The following SLC35F4 variants were observed in gnomAD, a reference collection of about 807,000 sequenced individuals.
SLC35F4 encodes chromosome 14 open reading frame 36.
SLC35F4 carries 24 observed loss-of-function variants against 44.2 expected under a neutral mutation model. The observed-to-expected ratio is 0.54, with a 90% CI of 0.39 to 0.76. SLC35F4 has a LOEUF of 0.76. SLC35F4 is among the 30% of genes least tolerant of loss of function. The probability of loss-of-function intolerance (pLI) is 0.00; values close to 1 mark genes in which losing one functional copy is unlikely to be tolerated. For missense variants in SLC35F4, 562 were observed against 586.1 expected (o/e 0.96, Z 0.42); for synonymous variants, 238 against 223.6 (o/e 1.06, Z -0.57).
intron 1 of SLC35F4, among the ~76,000 whole-genome samples, chr14:57,932,372 T>C (rs1056259848): frequency 1.3e-5 from 2 of 152,232 alleles, no homozygotes; most frequent in African/African-American, 2.4e-5. Context: ...GACCAAATGT[T>C]CTAATTAGGC....
At chr14:57,910,775 C>T (rs1362041140) in intron 1 of SLC35F4, among the ~76,000 whole-genome samples, 1 of 151,978 alleles carries the variant, frequency 6.6e-6, no homozygotes, top group East Asian at 1.9e-4. Context: ...GCTCTCTTGC[C>T]TCTTCATATA....
intron 1 of SLC35F4, among the ~76,000 whole-genome samples, chr14:57,759,386 C>T (rs2077069673): frequency 6.6e-6 from 1 of 151,716 alleles, no homozygotes; most frequent in Admixed American, 6.6e-5. Context: ...GCAAGACCAG[C>T]CTGGACAACA....
chr14:57,885,038 T>A (rs1344284562), intron 1 of SLC35F4, among the ~76,000 whole-genome samples: 1 of 151,382 alleles, frequency 6.6e-6, no homozygotes, highest in Non-Finnish European at 1.5e-5. Context: ...ACTTTGCAAC[T>A]TTTTTTTCCC....
At chr14:57,956,768 C>T (rs1295844947) in intron 1 of SLC35F4, among the ~76,000 whole-genome samples, 1 of 151,956 alleles carries the variant, frequency 6.6e-6, no homozygotes, top group Non-Finnish European at 1.5e-5. Context: ...GTTAGAATAG[C>T]GATCATTAAA....
chr14:57,652,920 C>G (rs2073838328), intron 1 of SLC35F4, among the ~76,000 whole-genome samples: 1 of 152,188 alleles, frequency 6.6e-6, no homozygotes, highest in African/African-American at 2.4e-5. Flanking sequence ...AAAACAGTTT[C>G]ACTAAGCAGT....
chr14:57,756,821 A>T (rs1021884981), intron 1 of SLC35F4, among the ~76,000 whole-genome samples: 1 of 146,182 alleles, frequency 6.8e-6, no homozygotes, highest in African/African-American at 2.5e-5. Context: ...AATCTGCCTA[A>T]TTTTTTTTTT....
intron 1 of SLC35F4, among the ~76,000 whole-genome samples, chr14:57,598,630 T>C (rs2070631984): frequency 6.6e-6 from 1 of 152,148 alleles, no homozygotes; most frequent in African/African-American, 2.4e-5. Flanking sequence ...GCAAGATGAC[T>C]TGGAAGATAC....
chr14:57,914,552 G>T (rs911184990), intron 1 of SLC35F4, among the ~76,000 whole-genome samples: 3 of 150,968 alleles, frequency 2.0e-5, no homozygotes, highest in Admixed American at 2.0e-4. Flanking sequence ...AGCATAGCGA[G>T]ACTCCGCCTC....
intron 1 of SLC35F4, among the ~76,000 whole-genome samples, chr14:57,909,370 T>A (rs77153313): frequency 0.036 from 5,402 of 152,158 alleles, 134 homozygotes; most frequent in Non-Finnish European, 0.054. Flanking sequence ...GTAACAAGTA[T>A]CCCCATTTAG....
At chr14:57,982,663 T>A (rs2747090), upstream of SLC35F4, among the ~76,000 whole-genome samples, 3 of 152,118 alleles carry the variant, frequency 2.0e-5, no homozygotes, top group African/African-American at 7.2e-5. Flanking sequence ...ATGGTCCTGG[T>A]GGGGTCGTTA....
intron 1 of SLC35F4, among the ~76,000 whole-genome samples, chr14:57,835,863 A>C (rs1280919953): frequency 6.6e-6 from 1 of 152,264 alleles, no homozygotes; most frequent in African/African-American, 2.4e-5. Flanking sequence ...AAATGATTTC[A>C]GCTCTTTCAG....
In SLC35F4 at chr14:57,689,437, T is replaced by C. The variant is rs138211566; in HGVS notation, c.104-95313A>G. 2.0e-3 allele frequency among the ~76,000 whole-genome samples: 310 copies of C among 152,166 alleles called. 2 individuals are homozygous for C. Among genetic ancestry groups the C allele is most frequent in the African/African-American group, 7.2e-3 (297 of 41,514 alleles). The stretch of plus-strand genomic sequence containing the variant: ...TCAAATGCTAAACTGCTTTTAGGAA[T>C]GAGGCAGCTATTCAAATAGCAACAA... On this transcript the variant is annotated intron_variant, in intron 1 of 7. Coordinates refer to ENST00000556826, the MANE Select transcript of SLC35F4 (RefSeq NM_001306087.2).
intron 1 of SLC35F4, among the ~76,000 whole-genome samples, chr14:57,780,371 T>G (rs2077587318): frequency 6.6e-6 from 1 of 151,956 alleles, no homozygotes; most frequent in Non-Finnish European, 1.5e-5. Context: ...GGATTACAGC[T>G]AACCAAGGAG....
In SLC35F4 at chr14:57,750,228, T is replaced by C. The variant is rs74676196; in HGVS notation, c.103+115495A>G. Among the ~76,000 whole-genome samples, 115 of 152,340 alleles carry C rather than the reference T, an allele frequency of 7.5e-4. 1 individual carries two copies. In the East Asian group the frequency reaches 0.021, roughly 28 times the overall value. ...TGCAAATGACAGGATTTCATTCTTTTTTTTAGTCTGAATAGTATTTCATTG... is the reference window on the plus strand; with the variant it reads ...TGCAAATGACAGGATTTCATTCTTTCTTTTAGTCTGAATAGTATTTCATTG... On this transcript the variant is annotated intron_variant, in intron 1 of 7. Coordinates refer to ENST00000556826, the MANE Select transcript of SLC35F4 (RefSeq NM_001306087.2).
chr14:57,609,959 AG>A (rs2071394871), intron 1 of SLC35F4, among the ~76,000 whole-genome samples: 1 of 152,176 alleles, frequency 6.6e-6, no homozygotes, highest in African/African-American at 2.4e-5. Context: ...TATAGAAAGG[AG>A]CTGCTATGTG....
intron 1 of SLC35F4, among the ~76,000 whole-genome samples, chr14:57,847,190 A>G (rs922079972): frequency 6.6e-6 from 1 of 152,156 alleles, no homozygotes; most frequent in African/African-American, 2.4e-5. Flanking sequence ...GCTGCCCTAG[A>G]CCCTTGTTCA....
rs942570083 is a variant in SLC35F4 at position 57,581,327 on chromosome 14, G to C, written c.694C>G (p.Leu232Val). The C allele has an allele frequency of 6.2e-7, 1 of 1,613,578 alleles. No homozygotes were observed. The highest frequency in any genetic ancestry group is 2.2e-5 in the East Asian group (1 of 44,870). ...GTGGCCGTCAGCTTCTTTAAAGCCA[G>C]TAAATAAAGGTAATTAGTCAAAGTC... ...LWTLTNYLYL[L>V]ALKKLTATDV... The change falls in exon 4 of 8, where the codon CTG (leucine) becomes GTG (valine). Residue 232 changes from leucine to valine, a missense_variant. Coordinates refer to ENST00000556826, the MANE Select transcript of SLC35F4 (RefSeq NM_001306087.2).
In SLC35F4 at chr14:57,699,359, A is replaced by G. The variant is rs117212195; in HGVS notation, c.104-105235T>C. ...GTCATGAAGAGGCCCCCAAGCTTTT[A>G]TTTTAACACTTTTTCAGATTAGACC... On this transcript the variant is annotated intron_variant, in intron 1 of 7. Coordinates refer to ENST00000556826, the MANE Select transcript of SLC35F4 (RefSeq NM_001306087.2). 1.5e-3 allele frequency among the ~76,000 whole-genome samples: 221 copies of G among 152,260 alleles called. 1 individual carries two copies. The highest frequency in any genetic ancestry group is 2.7e-3 in the Non-Finnish European group (185 of 68,000).
intron 1 of SLC35F4, among the ~76,000 whole-genome samples, chr14:57,825,771 C>T (rs1345343737): frequency 2.6e-5 from 4 of 152,042 alleles, no homozygotes; most frequent in Non-Finnish European, 5.9e-5. Flanking sequence ...TTCACAATTG[C>T]TACAAAGTGA....
Sources: gnomAD v4.1 joint callset for allele counts (sites outside exome capture counted in the v4.1 genomes callset) on GRCh38, gnomAD v4.1.1 for gene constraint, MANE v1.5 for transcripts, NCBI Gene and HGNC (gene_info 2026-07-23, HGNC 2026-07-21) for gene names.